FNBP1: variants seen among roughly 807,000 people sequenced by gnomAD.
The protein encoded by FNBP1 is formin-binding protein 1.
In FNBP1, 26 loss-of-function variants were observed where a neutral mutation model predicts 90.6. The ratio of observed to expected loss-of-function variants is 0.29; its 90% CI spans 0.21 to 0.40. The LOEUF (loss-of-function observed/expected upper bound fraction) is 0.40, where lower values mean the gene tolerates loss of function less well. FNBP1 is among the 10% of genes least tolerant of loss of function. FNBP1 has a pLI of 1.00. For missense variants in FNBP1, 635 were observed against 768.0 expected, an observed-to-expected ratio of 0.83 and a Z score of 2.05; for synonymous variants, 260 against 265.2, an observed-to-expected ratio of 0.98 and a Z score of 0.19.
intron 16 of FNBP1, chr9:129,895,591 T>C: frequency 2.4e-6 from 3 of 1,240,308 alleles, no homozygotes; most frequent in Non-Finnish European, 3.0e-6. Context: ...TAGCTGTAAG[T>C]TGGCGGTTGG....
chr9:130,000,743 G>A (rs543524049), intron 1 of FNBP1, among the ~76,000 whole-genome samples: 1 of 152,140 alleles, frequency 6.6e-6, no homozygotes, highest in South Asian at 2.1e-4. Context: ...AACAAACATT[G>A]CCAGCTGTTT....
chr9:129,915,911 G>A lies in FNBP1; in HGVS notation c.1185+55C>T, dbSNP rs367805675. ...TGTGCATGGCATAGCATTCATAAAA[G>A]ACACGCCAGAAAACCTGATTAGACT... On this transcript the variant is annotated intron_variant, in intron 11 of 16. Transcript: ENST00000446176. 4.1e-5 allele frequency: 55 copies of A among 1,343,292 alleles called. No individual in the cohort carries two copies. In the African/African-American group the frequency reaches 6.0e-4, roughly 15 times the overall value. The allele number at this position is 1,343,292 out of a possible 1,614,324, so 83.2% of individuals were successfully genotyped here. A position where few individuals can be genotyped will look rare whatever the true frequency, so the allele number is the denominator to read the frequency against.
intron 1 of FNBP1, among the ~76,000 whole-genome samples, chr9:130,012,367 A>T (rs2056721603): frequency 6.6e-6 from 1 of 152,166 alleles, no homozygotes; most frequent in Non-Finnish European, 1.5e-5. Context: ...AGCCCTCAGT[A>T]AGTGTTAATG....
intron 11 of FNBP1, among the ~76,000 whole-genome samples, chr9:129,910,998 CCG>C (rs1411830548): frequency 6.6e-6 from 1 of 152,130 alleles, no homozygotes; most frequent in African/African-American, 2.4e-5. Context: ...GACTTGTTTT[CCG>C]TATACTATGG....
At chr9:130,053,537 AAATCAGTTC>A in the FNBP1 span, 1 of 213,234 alleles carries the variant, frequency 4.7e-6, no homozygotes, top group South Asian at 7.4e-5. Context: ...ACGCTCAGTG[AAATCAGTTC>A]AATCAGTGGC....
Position 129,914,786 on chromosome 9 carries a change from TATATATATC to T in FNBP1, c.1185+1171_1185+1179del, listed in dbSNP as rs1460188673. On this transcript the variant is annotated intron_variant, in intron 11 of 16. Transcript: ENST00000446176. ...ATATATATATATATATATATATATA[TATATATATC>T]TCACCATAAAATACTATCCTAGGTT... The T allele has an allele frequency of 3.3e-5, 5 of 149,600 alleles. No homozygotes were observed. The Admixed American group carries it at 3.6e-4, about 11-fold the overall frequency. The allele number at this position is 149,600 out of a possible 1,614,324, so 9.3% of individuals were successfully genotyped here. A position where few individuals can be genotyped will look rare whatever the true frequency, so the allele number is the denominator to read the frequency against.
chr9:129,976,241 C>T (rs948160336), intron 4 of FNBP1, among the ~76,000 whole-genome samples: 2 of 152,074 alleles, frequency 1.3e-5, no homozygotes, highest in African/African-American at 2.4e-5. Context: ...GGGGAGCTGT[C>T]CTGTATATTG....
rs1336090184 is a variant in FNBP1 at position 129,887,409 on chromosome 9, AAAATAG to A, written c.*3124_*3129del. 1.5e-5 allele frequency: 3 copies of A among 199,604 alleles called. No homozygotes were observed. The highest frequency in any genetic ancestry group is 6.9e-5 in the African/African-American group (3 of 43,424). The allele number at this position is 199,604 out of a possible 1,614,324, so 12.4% of individuals were successfully genotyped here. On this transcript the variant is annotated 3_prime_UTR_variant, in exon 17 of 17. Coordinates refer to ENST00000446176, the MANE Select transcript of FNBP1 (RefSeq NM_015033.3). Reference sequence around the variant, plus strand: ...TTTTAAAGGTGCTCAACATCAGGTTAAAATAGAATTCTGGACCTTTTTAAAAAGTTT... The same window carrying A: ...TTTTAAAGGTGCTCAACATCAGGTTAAATTCTGGACCTTTTTAAAAAGTTT...
intron 6 of FNBP1, among the ~76,000 whole-genome samples, chr9:129,932,470 C>T (rs1444693416): frequency 6.6e-6 from 1 of 152,126 alleles, no homozygotes; most frequent in African/African-American, 2.4e-5. Flanking sequence ...TACTCATACT[C>T]ATCTGGTGAA....
chr9:129,999,481 C>T (rs1589168070), intron 1 of FNBP1, among the ~76,000 whole-genome samples: 1 of 151,876 alleles, frequency 6.6e-6, no homozygotes, highest in Admixed American at 6.6e-5. Context: ...ACCTGTAGTC[C>T]CAGCTACTCG....
At chr9:129,952,133 G>A (rs1383926944) in intron 6 of FNBP1, among the ~76,000 whole-genome samples, 3 of 151,958 alleles carry the variant, frequency 2.0e-5, no homozygotes, top group South Asian at 2.1e-4. Flanking sequence ...CACAGGTTGC[G>A]ATGAGCTGAG....
chr9:129,904,148 C>A (rs2037516242), intron 12 of FNBP1, among the ~76,000 whole-genome samples: 5 of 152,206 alleles, frequency 3.3e-5, no homozygotes, highest in Admixed American at 2.6e-4. Flanking sequence ...CATGTGCTCA[C>A]CTGACGAAGA....
chr9:130,046,822 G>A (rs1024388178), upstream of FNBP1, among the ~76,000 whole-genome samples: 1 of 149,076 alleles, frequency 6.7e-6, no homozygotes, highest in Non-Finnish European at 1.5e-5. Flanking sequence ...CATGCCCAGA[G>A]AGGGCACAGA....
chr9:130,029,013 TC>T (rs2058585353), intron 1 of FNBP1, among the ~76,000 whole-genome samples: 1 of 152,340 alleles, frequency 6.6e-6, no homozygotes, highest in African/African-American at 2.4e-5. Flanking sequence ...CTTGTTTTTG[TC>T]CATAGCATTT....
chr9:130,032,182 T>TC (rs773647563), intron 1 of FNBP1, among the ~76,000 whole-genome samples: 4 of 142,406 alleles, frequency 2.8e-5, no homozygotes, highest in Non-Finnish European at 4.8e-5. Flanking sequence ...TTTTTTTTTT[T>TC]CCCAGACAAG....
intron 4 of FNBP1, among the ~76,000 whole-genome samples, chr9:129,969,206 A>G (rs933670814): frequency 2.6e-5 from 4 of 152,216 alleles, no homozygotes; most frequent in African/African-American, 9.6e-5. Context: ...TTTCAGTGAC[A>G]TTTGGAAATC....
At chr9:129,930,273 G>T (rs1404521657) in intron 6 of FNBP1, among the ~76,000 whole-genome samples, 1 of 152,032 alleles carries the variant, frequency 6.6e-6, no homozygotes, top group East Asian at 1.9e-4. Flanking sequence ...ACATTGCCCA[G>T]GCTATTCTTG....
chr9:129,995,803 T>C (rs1341268302), intron 1 of FNBP1, among the ~76,000 whole-genome samples: 1 of 152,016 alleles, frequency 6.6e-6, no homozygotes, highest in East Asian at 1.9e-4. Context: ...GAAGTGGAGT[T>C]GGCGAGTGAT....
chr9:130,015,629 A>G (rs940163975), intron 1 of FNBP1, among the ~76,000 whole-genome samples: 3 of 152,200 alleles, frequency 2.0e-5, no homozygotes, highest in Admixed American at 6.5e-5. Flanking sequence ...AAACAAAAAA[A>G]CTACCTTATT....
Sources: allele counts gnomAD v4.1 joint callset (sites outside exome capture counted in the v4.1 genomes callset), GRCh38; gene constraint gnomAD v4.1.1; transcripts MANE v1.5; gene names NCBI Gene and HGNC (gene_info 2026-07-23, HGNC 2026-07-21).